The following ARID4A variants were observed in gnomAD, a reference collection of about 807,000 sequenced individuals.
The protein encoded by ARID4A is AT-rich interaction domain 4A.
ARID4A carries 39 observed loss-of-function variants against 148.6 expected under a neutral mutation model. The ratio of observed to expected loss-of-function variants is 0.26; its 90% CI spans 0.20 to 0.34. ARID4A has a LOEUF of 0.34. Among genes scored for constraint, ARID4A ranks in the 10% least tolerant of loss-of-function variants. The pLI, the probability that ARID4A is intolerant of heterozygous loss-of-function variation, is 1.00. For synonymous variants in ARID4A, 475 were observed against 481.2 expected (o/e 0.99, Z 0.17); for missense variants, 1,265 against 1,449.1 (o/e 0.87, Z 2.06).
chr14:58,338,611 G>T (rs2033949072), intron 11 of ARID4A, among the ~76,000 whole-genome samples: 1 of 152,124 alleles, frequency 6.6e-6, no homozygotes, highest in African/African-American at 2.4e-5. Flanking sequence ...GCTGAGGAGT[G>T]TGAGGACTTG....
chr14:58,323,410 T>C, intron 7 of ARID4A, 75 bp from the exon 8 acceptor site: 2 of 1,509,090 alleles, frequency 1.3e-6, no homozygotes, highest in Non-Finnish European at 1.8e-6. Context: ...TTGAATTGAC[T>C]ATATTAAATT....
rs373468838 is a variant in ARID4A at position 58,333,912 on chromosome 14, A to G, written c.906+3743A>G. On this transcript the variant is annotated intron_variant, in intron 11 of 23. Coordinates refer to ENST00000355431, the MANE Select transcript of ARID4A (RefSeq NM_002892.4). ...GTATATCTAATAACTTAAGTTGCCA[A>G]TGAAGCATTTCTAAGCAGATCCTAA... Among the ~76,000 whole-genome samples the G allele has an allele frequency of 2.6e-5, 4 of 152,288 alleles. 1 individual carries two copies.
chr14:58,346,673 A>G (rs949043643), intron 13 of ARID4A, among the ~76,000 whole-genome samples, 168 bp downstream of exon 13: 2 of 151,992 alleles, frequency 1.3e-5, no homozygotes, highest in African/African-American at 4.8e-5. Flanking sequence ...CACGCCTGTA[A>G]TCCCAGCATT....
At chr14:58,367,675 G>T (rs536773057) in intron 23 of ARID4A, among the ~76,000 whole-genome samples, 89 of 152,316 alleles carry the variant, frequency 5.8e-4, no homozygotes, top group African/African-American at 1.9e-3. Flanking sequence ...CCCTTCGGGG[G>T]TTGTAGGATT....
intron 11 of ARID4A, among the ~76,000 whole-genome samples, chr14:58,335,347 CTT>C (rs2033757329): frequency 7.3e-6 from 1 of 136,586 alleles, no homozygotes; most frequent in South Asian, 2.3e-4. Flanking sequence ...GAGTTTTGCT[CTT>C]GTTTGCCAGG....
Position 58,365,187 on chromosome 14 carries a change from C to G in ARID4A, c.3098C>G (p.Ala1033Gly). The G allele has an allele frequency of 6.2e-7, 1 of 1,614,022 alleles. No individual in the cohort carries two copies. Among genetic ancestry groups the G allele is most frequent in the Non-Finnish European group, 8.5e-7 (1 of 1,179,994 alleles). The change falls in exon 20 of 24, where the codon GCT becomes GGT. Residue 1033 changes from alanine (A) to glycine (G), a missense_variant. Physicochemically the swap from Ala to Gly is moderately conservative, Grantham distance 60 (BLOSUM62 0). Transcript: ENST00000355431. Reference sequence around the variant, plus strand: ...ATAACGATTGAAGTTGATAGTATTGCTGAAGAATCTCAAGAAGGTCTCTGT... The same window carrying G: ...ATAACGATTGAAGTTGATAGTATTGGTGAAGAATCTCAAGAAGGTCTCTGT... ...SDITIEVDSI[A>G]EESQEGLCER...
At chr14:58,303,260 T>A (rs1238750650) in intron 3 of ARID4A, among the ~76,000 whole-genome samples, 1 of 152,188 alleles carries the variant, frequency 6.6e-6, no homozygotes, top group Non-Finnish European at 1.5e-5. Context: ...AATTTGCATA[T>A]CTATCATCTC....
At chr14:58,333,961 T>C (rs2033666069) in intron 11 of ARID4A, among the ~76,000 whole-genome samples, 1 of 152,152 alleles carries the variant, frequency 6.6e-6, no homozygotes, top group South Asian at 2.1e-4. Context: ...CATGAATAAT[T>C]GGGACTTTAG....
intron 5 of ARID4A, among the ~76,000 whole-genome samples, chr14:58,313,907 C>T (rs1256026591): frequency 6.6e-6 from 1 of 152,176 alleles, no homozygotes; most frequent in Non-Finnish European, 1.5e-5. Flanking sequence ...ATGGTACTTG[C>T]CCACAGTGAG....
At chr14:58,361,123 C>A in intron 19 of ARID4A, 81 bp downstream of exon 19, 2 of 1,485,600 alleles carry the variant, frequency 1.3e-6, no homozygotes, top group South Asian at 1.4e-5. Flanking sequence ...TTGAGGATGG[C>A]TGACTTTAAA....
Position 58,372,170 on chromosome 14 carries a change from C to T in ARID4A, c.*181C>T. On this transcript the variant is annotated 3_prime_UTR_variant, in exon 24 of 24. Coordinates refer to ENST00000355431, the MANE Select transcript of ARID4A (RefSeq NM_002892.4). ...CTTTTTTCTTGTTGCAAAAAATAAG[C>T]TGATTAATAAGTGAAGGTTAAGCAG... 3.9e-6 allele frequency: 2 copies of T among 515,350 alleles called. No individual in the cohort carries two copies. Among genetic ancestry groups the T allele is most frequent in the Non-Finnish European group, 6.9e-6 (2 of 291,838 alleles). The allele number at this position is 515,350 out of a possible 1,614,324, so 31.9% of individuals were successfully genotyped here.
chr14:58,337,930 C>T (rs2033915290), intron 11 of ARID4A, among the ~76,000 whole-genome samples: 1 of 152,172 alleles, frequency 6.6e-6, no homozygotes, highest in Admixed American at 6.5e-5. Flanking sequence ...TCTGCCTGAT[C>T]ATGATGTGAC....
chr14:58,332,130 T>C (rs1021691849), intron 11 of ARID4A, among the ~76,000 whole-genome samples: 1 of 151,932 alleles, frequency 6.6e-6, no homozygotes, highest in Non-Finnish European at 1.5e-5. Context: ...TTCATAAATA[T>C]TGTAATGTTT....
At chr14:58,325,861 T>A (rs1161588633) in intron 8 of ARID4A, among the ~76,000 whole-genome samples, 1 of 152,166 alleles carries the variant, frequency 6.6e-6, no homozygotes, top group East Asian at 1.9e-4. Flanking sequence ...CAAGAGTTTT[T>A]TTTTTTAATA....
At chr14:58,299,512 T>A (rs1297200071) in intron 1 of ARID4A, 1 of 310,436 alleles carries the variant, frequency 3.2e-6, no homozygotes, top group Non-Finnish European at 6.2e-6. Flanking sequence ...TCCGGAGCTA[T>A]CTGTCCTGGA....
rs776331899 is a variant in ARID4A, at chr14:58,351,055, T to C, written c.1405-18T>C. The C allele has an allele frequency of 6.4e-7, 1 of 1,570,332 alleles. No individual in the cohort carries two copies. Among genetic ancestry groups the C allele is most frequent in the Admixed American group, 2.1e-5 (1 of 47,422 alleles). ...TTTATAGTGATAGCTATTTTAAAGC[T>C]TTTATCCCCTCTACTAGGGACGAAG... On this transcript the variant is annotated intron_variant, in intron 15 of 23. Coordinates refer to ENST00000355431, the MANE Select transcript of ARID4A (RefSeq NM_002892.4).
chr14:58,323,374 T>C (rs2033019992), intron 7 of ARID4A, 111 bp from the exon 8 acceptor site: 1 of 1,233,694 alleles, frequency 8.1e-7, no homozygotes, highest in Non-Finnish European at 1.1e-6. Flanking sequence ...GAGAGGCTAC[T>C]ACTTTAGGGT....
chr14:58,362,348 G>T (rs1422220344), intron 19 of ARID4A, among the ~76,000 whole-genome samples: 1 of 152,050 alleles, frequency 6.6e-6, no homozygotes, highest in Non-Finnish European at 1.5e-5. Context: ...CAGCACCTTG[G>T]GAGGCTGAGG....
chr14:58,299,189 CCCCTCCG>C (rs1299309291), intron 1 of ARID4A: 1 of 152,388 alleles, frequency 6.6e-6, no homozygotes, highest in Non-Finnish European at 1.5e-5. Flanking sequence ...CCCTCCTCCT[CCCCTCCG>C]CCCCCCGCCC....
Sources: allele counts gnomAD v4.1 joint callset (sites outside exome capture counted in the v4.1 genomes callset), GRCh38; gene constraint gnomAD v4.1.1; transcripts MANE v1.5; gene names NCBI Gene and HGNC (gene_info 2026-07-23, HGNC 2026-07-21).